The following KSR2 variants were observed in gnomAD, a reference collection of about 807,000 sequenced individuals.
The protein encoded by KSR2 is kinase suppressor of ras 2.
Under a neutral mutation model 107.8 loss-of-function variants are expected in KSR2, and 25 were observed. The observed-to-expected ratio is 0.23, with a 90% CI of 0.17 to 0.32. The LOEUF (loss-of-function observed/expected upper bound fraction) is 0.32. KSR2 is among the 10% of genes least tolerant of loss of function. The probability of loss-of-function intolerance (pLI) is 1.00; values close to 1 mark genes in which losing one functional copy is unlikely to be tolerated. For synonymous variants in KSR2, 480 were observed against 507.0 expected (o/e 0.95, Z 0.71); for missense variants, 887 against 1,268.9 (o/e 0.70, Z 4.57).
At chr12:117,789,814 C>T (rs1890195183) in intron 3 of KSR2, among the ~76,000 whole-genome samples, 1 of 152,192 alleles carries the variant, frequency 6.6e-6, no homozygotes, top group South Asian at 2.1e-4. Flanking sequence ...GGGAACAAAA[C>T]AGACAAGGTC....
At chr12:117,661,267 G>GAA (rs71099069) in intron 5 of KSR2, among the ~76,000 whole-genome samples, 67 of 149,694 alleles carry the variant, frequency 4.5e-4, no homozygotes, top group South Asian at 2.1e-3. Flanking sequence ...TCCTGTACCA[G>GAA]AAAAAAAAAA....
intron 5 of KSR2, among the ~76,000 whole-genome samples, chr12:117,658,619 CT>C (rs1884287198): frequency 6.6e-6 from 1 of 152,134 alleles, no homozygotes; most frequent in Admixed American, 6.5e-5. Context: ...TTGCTGACCC[CT>C]GATTTAGAAG....
intron 10 of KSR2, among the ~76,000 whole-genome samples, chr12:117,539,030 C>T (rs1467747590): frequency 6.6e-6 from 1 of 152,258 alleles, no homozygotes; most frequent in East Asian, 1.9e-4. Flanking sequence ...CAGGAAACCA[C>T]AGTGTCCCAT....
At chr12:117,467,684 A>T (rs1213382414) in intron 19 of KSR2, 1 of 352,130 alleles carries the variant, frequency 2.8e-6, no homozygotes, top group Non-Finnish European at 5.4e-6. Flanking sequence ...AGGGGGTGGG[A>T]CTGGGATCCA....
At chr12:117,861,365 G>A (rs568977687) in intron 1 of KSR2, among the ~76,000 whole-genome samples, 190 of 145,276 alleles carry the variant, frequency 1.3e-3, no homozygotes, top group Middle Eastern at 0.011. Context: ...TGTCCACAAG[G>A]ACTCCCAATT....
At chr12:117,871,713 C>CAT (rs986205258) in intron 1 of KSR2, among the ~76,000 whole-genome samples, 2 of 151,332 alleles carry the variant, frequency 1.3e-5, no homozygotes, top group African/African-American at 2.4e-5. Context: ...TATATTTGCA[C>CAT]ACAGAGAGAG....
At chr12:117,577,864 T>C (rs575228060) in intron 7 of KSR2, among the ~76,000 whole-genome samples, 6 of 152,256 alleles carry the variant, frequency 3.9e-5, no homozygotes, top group Non-Finnish European at 8.8e-5. Flanking sequence ...CCAGACCATA[T>C]CAATTATTAT....
chr12:117,956,705 T>C (rs763163414), intron 1 of KSR2, among the ~76,000 whole-genome samples: 4 of 151,584 alleles, frequency 2.6e-5, no homozygotes, highest in Non-Finnish European at 4.4e-5. Flanking sequence ...GGCAGGAGGA[T>C]CACTTGAGCT....
intron 14 of KSR2, among the ~76,000 whole-genome samples, chr12:117,509,123 C>T (rs1223041308): frequency 6.6e-6 from 1 of 152,078 alleles, no homozygotes; most frequent in Admixed American, 6.6e-5. Flanking sequence ...CAGGTCCAGA[C>T]AAGGAGGTAC....
chr12:117,849,337 C>T (rs1460307812), intron 3 of KSR2, among the ~76,000 whole-genome samples: 2 of 152,170 alleles, frequency 1.3e-5, no homozygotes, highest in African/African-American at 2.4e-5. Context: ...TTTATGGAGA[C>T]ACACACCTCA....
intron 1 of KSR2, among the ~76,000 whole-genome samples, chr12:117,913,323 T>C (rs866871570): frequency 4.1e-4 from 62 of 152,276 alleles, no homozygotes; most frequent in African/African-American, 1.3e-3. Context: ...CCAAGCCCTA[T>C]GGAACTGTAA....
At chr12:117,610,191 A>G (rs907698990) in intron 5 of KSR2, among the ~76,000 whole-genome samples, 5 of 152,210 alleles carry the variant, frequency 3.3e-5, no homozygotes, top group Non-Finnish European at 7.3e-5. Flanking sequence ...AAATTTTTAT[A>G]GGATAATTTG....
intron 5 of KSR2, among the ~76,000 whole-genome samples, chr12:117,659,820 A>G (rs989122170): frequency 2.6e-5 from 4 of 152,264 alleles, no homozygotes; most frequent in African/African-American, 4.8e-5. Context: ...GTTATCCAAC[A>G]TGAGCTTATA....
At chr12:117,678,429 C>T (rs1010256813) in intron 4 of KSR2, among the ~76,000 whole-genome samples, 2 of 151,962 alleles carry the variant, frequency 1.3e-5, no homozygotes, top group African/African-American at 4.8e-5. Flanking sequence ...TTCCGGGGCT[C>T]TCTGGGTGAG....
At chr12:117,832,323 C>T (rs1049810731) in intron 3 of KSR2, among the ~76,000 whole-genome samples, 2 of 152,084 alleles carry the variant, frequency 1.3e-5, no homozygotes, top group South Asian at 2.1e-4. Flanking sequence ...GTACCGTGTC[C>T]GCATCCACAT....
intron 4 of KSR2, among the ~76,000 whole-genome samples, chr12:117,695,515 G>A (rs1475664625): frequency 6.7e-6 from 1 of 149,202 alleles, no homozygotes; most frequent in Non-Finnish European, 1.5e-5. Context: ...AGACCAGCCT[G>A]GGAAACATGA....
chr12:117,891,433 G>T (rs937903578), intron 1 of KSR2, among the ~76,000 whole-genome samples: 2 of 149,934 alleles, frequency 1.3e-5, no homozygotes, highest in African/African-American at 4.9e-5. Context: ...AAAAAAGAAA[G>T]AAAAGAAATG....
intron 9 of KSR2, among the ~76,000 whole-genome samples, chr12:117,547,370 T>C (rs1051294466): frequency 3.3e-5 from 5 of 152,096 alleles, no homozygotes; most frequent in African/African-American, 7.2e-5. Context: ...TTAATGATGG[T>C]GGTGTAAAAG....
intron 5 of KSR2, among the ~76,000 whole-genome samples, chr12:117,641,479 G>A (rs1883353331): frequency 6.6e-6 from 1 of 152,118 alleles, no homozygotes. Context: ...TTCCTTGACT[G>A]GCAGCTGTGT....
Sources: allele counts gnomAD v4.1 joint callset (sites outside exome capture counted in the v4.1 genomes callset), GRCh38; gene constraint gnomAD v4.1.1; transcripts MANE v1.5; gene names NCBI Gene and HGNC (gene_info 2026-07-23, HGNC 2026-07-21).